The following BRD3 variants were observed in gnomAD, a reference collection of about 807,000 sequenced individuals.
BRD3 encodes bromodomain containing 3.
Under a neutral mutation model 66.8 loss-of-function variants are expected in BRD3, and 17 were observed. That is an observed-to-expected ratio of 0.25 (90% CI 0.17 to 0.38). The LOEUF (loss-of-function observed/expected upper bound fraction) is 0.38, where lower values mean the gene tolerates loss of function less well. BRD3 is among the 10% of genes least tolerant of loss of function. BRD3 has a pLI of 1.00. For missense variants in BRD3, 713 were observed against 956.1 expected (o/e 0.75, Z 3.35); for synonymous variants, 421 against 393.2 (o/e 1.07, Z -0.84).
intron 1 of BRD3, 168 bp from the exon 2 acceptor site, chr9:134,053,758 GCTCAGGCGAAGCGCGAC>G (rs1227683257): frequency 1.8e-6 from 1 of 566,374 alleles, no homozygotes; most frequent in African/African-American, 1.9e-5. Context: ...CGGGAAAGCT[GCTCAGGCGAAGCGCGAC>G]CAGCTCAGAA....
chr9:134,040,333 G>A (rs543484394), intron 8 of BRD3, 64 bp from the exon 9 acceptor site: 63 of 1,529,240 alleles, frequency 4.1e-5, no homozygotes, highest in Middle Eastern at 1.8e-4. Context: ...GCTGCGTGGC[G>A]CCCTGGGATT....
chr9:134,048,146 C>G lies in BRD3; in HGVS notation c.1023G>C (p.Glu341Asp), dbSNP rs1272309650. ...AWPFYKPVDA[E>D]ALELHDYHDI... ...CGTGGTAGTCGTGCAGCTCCAGGGC[C>G]TCGGCATCCACTGGCTTGTAGAAGG... The change falls in exon 6 of 12, where the codon GAG (glutamate) becomes GAC (aspartate). Residue 341 changes from glutamate to aspartate, a missense_variant. Around this residue, in one of 5 missense-constraint regions of BRD3, gnomAD observed 418 missense variants for 609.3 expected, o/e 0.69. Coordinates refer to ENST00000303407, the MANE Select transcript of BRD3 (RefSeq NM_007371.4). 1.2e-6 allele frequency: 2 copies of G among 1,609,048 alleles called. No homozygotes were observed. Among genetic ancestry groups the G allele is most frequent in the East Asian group, 4.5e-5 (2 of 44,842 alleles).
At chr9:134,051,463 G>T in intron 4 of BRD3, 99 bp downstream of exon 4, 1 of 1,297,642 alleles carries the variant, frequency 7.7e-7, no homozygotes, top group East Asian at 2.9e-5. Context: ...CACGACAGAT[G>T]GGAAACAGCT....
chr9:134,052,649 A>C (rs1385209448), intron 2 of BRD3, among the ~76,000 whole-genome samples: 1 of 152,130 alleles, frequency 6.6e-6, no homozygotes, highest in Non-Finnish European at 1.5e-5. Flanking sequence ...TCCAGACCCC[A>C]AGCATGTGCA....
chr9:134,051,984 G>A (rs142900190), intron 3 of BRD3, among the ~76,000 whole-genome samples: 2,145 of 147,718 alleles, frequency 0.015, 31 homozygotes, highest in African/African-American at 0.032. Flanking sequence ...TCCACCTCCC[G>A]GGTTTAAGTG....
intron 5 of BRD3, 111 bp from the exon 6 acceptor site, chr9:134,048,565 G>A (rs1326655325): frequency 2.3e-5 from 34 of 1,509,226 alleles, no homozygotes; most frequent in African/African-American, 6.8e-5. Flanking sequence ...TGGGCTAAGC[G>A]GCCACATGCA....
At chr9:134,061,737 C>T (rs1474671855) in intron 1 of BRD3, among the ~76,000 whole-genome samples, 13 of 152,186 alleles carry the variant, frequency 8.5e-5, no homozygotes, top group African/African-American at 2.9e-4. Flanking sequence ...AGGGGCACAA[C>T]GTCGCCCAGG....
intron 1 of BRD3, among the ~76,000 whole-genome samples, chr9:134,060,583 C>A (rs1830515258): frequency 1.5e-5 from 2 of 136,238 alleles, no homozygotes; most frequent in South Asian, 4.6e-4. Context: ...CAGAGCAAGA[C>A]CCTGACACAC....
rs1297168291 is a variant in BRD3, at chr9:134,068,004, C to T, written c.-173G>A. Reference sequence around the variant, plus strand: ...GCCCGCGCGGCCGGCTCCTCTTTGGCTCGCCGGCCCCGGCAGCATAATAGA... The same window carrying T: ...GCCCGCGCGGCCGGCTCCTCTTTGGTTCGCCGGCCCCGGCAGCATAATAGA... On this transcript the variant is annotated 5_prime_UTR_variant, in exon 1 of 12. Coordinates refer to ENST00000303407, the MANE Select transcript of BRD3 (RefSeq NM_007371.4). The T allele has an allele frequency of 7.0e-6, 1 of 143,722 alleles. No homozygotes were observed. The highest frequency in any genetic ancestry group is 2.5e-5 in the African/African-American group (1 of 39,864). The allele number at this position is 143,722 out of a possible 1,614,324, so 8.9% of individuals were successfully genotyped here.
intron 1 of BRD3, among the ~76,000 whole-genome samples, chr9:134,064,920 G>C (rs1830616897): frequency 1.3e-5 from 2 of 152,224 alleles, no homozygotes; most frequent in Non-Finnish European, 2.9e-5. Context: ...GGCCATTCTT[G>C]GCAAACGCTG....
Position 134,050,451 on chromosome 9 carries a change from C to A in BRD3, c.637G>T (p.Val213Phe), listed in dbSNP as rs199611088. The change falls in exon 5 of 12, where the codon GTC becomes TTC. Residue 213 changes from valine to phenylalanine, a missense_variant. Physicochemically the swap from Val to Phe is conservative, Grantham distance 50. Coordinates refer to ENST00000303407, the MANE Select transcript of BRD3 (RefSeq NM_007371.4). ...TITANVTSVP[V>F]PPAAAPPPPA... ...GGAGGTGGGGCGGCAGCTGGGGGGA[C>A]TGGGACCGACGTGACGTTTGCAGTG... 48 of 1,611,996 alleles carry A rather than the reference C, an allele frequency of 3.0e-5. No homozygotes were observed. Among genetic ancestry groups the A allele is most frequent in the Non-Finnish European group, 4.1e-5 (48 of 1,179,552 alleles).
At position 134,032,451 on chromosome 9, in the gene BRD3, A is replaced by C. The variant is rs1184641572; in HGVS notation, c.*1139T>G. The C allele has an allele frequency of 4.5e-6, 1 of 220,458 alleles. No individual in the cohort carries two copies. Among genetic ancestry groups the C allele is most frequent in the Non-Finnish European group, 9.0e-6 (1 of 110,524 alleles). The allele number at this position is 220,458 out of a possible 1,614,324, so 13.7% of individuals were successfully genotyped here. On this transcript the variant is annotated 3_prime_UTR_variant, in exon 12 of 12. Coordinates refer to ENST00000303407, the MANE Select transcript of BRD3 (RefSeq NM_007371.4). The stretch of plus-strand genomic sequence containing the variant: ...TCCAAGTTTCATACAAAAAAAAAAA[A>C]AAAAAAAAACCACAAAGAAAAAAAC...
intron 9 of BRD3, 147 bp downstream of exon 9, chr9:134,039,887 C>T: frequency 1.4e-6 from 2 of 1,436,734 alleles, no homozygotes; most frequent in South Asian, 1.5e-5. Flanking sequence ...GCACAGGTCT[C>T]ATCAGGCCCT....
Position 134,033,772 on chromosome 9 carries a change from T to C in BRD3, c.2066-67A>G. The stretch of plus-strand genomic sequence containing the variant: ...TCTTGACCCGCTTGGCGGCATGTCG[T>C]CCATGCCAGCGTGACACCATCACAC... On this transcript the variant is annotated intron_variant, in intron 11 of 11. Transcript: ENST00000303407. The surrounding 1 kb of genome is among the most constrained non-coding windows in gnomAD (Gnocchi z 5.1). 1.5e-6 allele frequency: 1 copy of C among 670,452 alleles called. No individual in the cohort carries two copies. The highest frequency in any genetic ancestry group is 2.1e-5 in the Admixed American group (1 of 47,644). 41.5% of individuals were successfully genotyped at this position (670,452 alleles called of 1,614,324 possible).
At chr9:134,044,120 G>A (rs948156685) in intron 7 of BRD3, among the ~76,000 whole-genome samples, 5 of 152,196 alleles carry the variant, frequency 3.3e-5, no homozygotes, top group African/African-American at 4.8e-5. Flanking sequence ...AAGGTCTTTT[G>A]GGTTCAAGAC....
chr9:134,047,514 G>C (rs1020946425), intron 6 of BRD3, among the ~76,000 whole-genome samples: 5 of 152,210 alleles, frequency 3.3e-5, no homozygotes, highest in Non-Finnish European at 5.9e-5. Flanking sequence ...CTGCTGTGAG[G>C]CACACAAGAG....
At chr9:134,047,971 G>T (rs1229302262) in intron 6 of BRD3, 112 bp downstream of exon 6, 1 of 1,383,400 alleles carries the variant, frequency 7.2e-7, no homozygotes, top group Non-Finnish European at 9.5e-7. Context: ...CGCTTCTCCG[G>T]CAAGCGAGAC....
intron 1 of BRD3, among the ~76,000 whole-genome samples, chr9:134,056,363 C>T (rs1413626716): frequency 6.6e-6 from 1 of 152,344 alleles, no homozygotes; most frequent in East Asian, 1.9e-4. Context: ...CTGGCACACA[C>T]GGGCAGGCGA....
At chr9:134,056,785 C>A (rs1335452722) in intron 1 of BRD3, 1 of 152,300 alleles carries the variant, frequency 6.6e-6, no homozygotes, top group Non-Finnish European at 1.5e-5. Context: ...GGAGGGAGGG[C>A]TGAGACGGGC....
Sources: gnomAD v4.1 joint callset for allele counts (sites outside exome capture counted in the v4.1 genomes callset) on GRCh38, gnomAD v4.1.1 for gene constraint, gnomAD v4.1.1 regional missense constraint, Gnocchi (gnomAD v3.1) non-coding constraint, MANE v1.5 for transcripts, NCBI Gene and HGNC (gene_info 2026-07-23, HGNC 2026-07-21) for gene names.